The following SP3 variants were observed in gnomAD, a reference collection of about 807,000 sequenced individuals.
SP3 encodes the protein Sp3 transcription factor, also known as transcription factor Sp3.
SP3 carries 10 observed loss-of-function variants against 70.3 expected under a neutral mutation model. The ratio of observed to expected loss-of-function variants is 0.14; its 90% CI spans 0.09 to 0.24. SP3 has a LOEUF of 0.24. SP3 is among the 10% of genes least tolerant of loss of function. The pLI, the probability that SP3 is intolerant of heterozygous loss-of-function variation, is 1.00. For missense variants in SP3, 825 were observed against 914.6 expected, an observed-to-expected ratio of 0.90 and a Z score of 1.26; for synonymous variants, 402 against 333.5, an observed-to-expected ratio of 1.21 and a Z score of -2.24.
chr2:173,949,636 C>T (rs79798468), intron 4 of SP3, among the ~76,000 whole-genome samples: 17,497 of 152,124 alleles, frequency 0.12, 1,293 homozygotes, highest in Middle Eastern at 0.18. Flanking sequence ...CCCTCTTTCG[C>T]CTGTCAATCT....
chr2:173,959,029 C>T (rs1690979574), intron 3 of SP3, among the ~76,000 whole-genome samples: 1 of 152,142 alleles, frequency 6.6e-6, no homozygotes. Flanking sequence ...CAATTCCTGG[C>T]ACTCAGTAAG....
intron 4 of SP3, among the ~76,000 whole-genome samples, chr2:173,927,731 T>A (rs1320379080): frequency 1.3e-5 from 2 of 152,244 alleles, no homozygotes; most frequent in Admixed American, 1.3e-4. Context: ...CTATTTCAAC[T>A]TTCAATTATT....
At chr2:173,933,638 T>TTATATATA (rs60102426) in intron 4 of SP3, among the ~76,000 whole-genome samples, 6,540 of 86,158 alleles carry the variant, frequency 0.076, 358 homozygotes, top group Non-Finnish European at 0.099. Context: ...TTATAAAACT[T>TTATATATA]TATATATATA....
chr2:173,963,823 A>G lies in SP3; in HGVS notation c.217T>C (p.Ser73Pro). The change falls in exon 3 of 7, where the codon TCG (serine) becomes CCG (proline). Residue 73 changes from serine (S) to proline (P), a missense_variant. Ser to Pro is a moderately conservative substitution (Grantham distance 74). Coordinates refer to ENST00000310015, the MANE Select transcript of SP3 (RefSeq NM_003111.5). ...GCCTCCTCCTCGTCGTCGCCCGGCG[A>G]TGGCGGCCCTATCTTGCTGCAGGTA... ...AATCSKIGPPSPGDDEEEAAA... is the reference protein window; with the variant it reads ...AATCSKIGPPPPGDDEEEAAA... 6.8e-7 allele frequency: 1 copy of G among 1,475,968 alleles called. No individual in the cohort carries two copies. Among genetic ancestry groups the G allele is most frequent in the African/African-American group, 1.5e-5 (1 of 68,646 alleles). 91.4% of individuals were successfully genotyped at this position (1,475,968 alleles called of 1,614,324 possible). A position where few individuals can be genotyped will look rare whatever the true frequency, so the allele number is the denominator to read the frequency against.
chr2:173,945,424 A>G (rs982247793), intron 4 of SP3, among the ~76,000 whole-genome samples: 2 of 152,184 alleles, frequency 1.3e-5, no homozygotes, highest in African/African-American at 4.8e-5. Flanking sequence ...TCAACTCAAC[A>G]TGACTAAACC....
At chr2:173,953,177 GTGCA>G (rs1483502527) in intron 4 of SP3, among the ~76,000 whole-genome samples, 1 of 152,234 alleles carries the variant, frequency 6.6e-6, no homozygotes, top group East Asian at 1.9e-4. Flanking sequence ...TTAACTGCAA[GTGCA>G]TGGTCATGAA....
chr2:173,955,881 T>G lies in SP3; in HGVS notation c.631A>C (p.Asn211His), dbSNP rs761535090. ...SSQIQIIPGS[N>H]QTLLASGTPS... Reference sequence around the variant, plus strand: ...GTTCCAGAGGCAAGTAAGGTTTGATTAGAGCCAGGAATGATCTGAATTTGA... The same window carrying G: ...GTTCCAGAGGCAAGTAAGGTTTGATGAGAGCCAGGAATGATCTGAATTTGA... Residue 211 changes from asparagine to histidine, a missense_variant, in exon 4 of 7, where the codon AAT becomes CAT. By Grantham distance (68) the Asn-to-His change is moderately conservative (BLOSUM62 1). Transcript: ENST00000310015. 15 of 1,614,058 alleles carry G rather than the reference T, an allele frequency of 9.3e-6. No individual in the cohort carries two copies. The African/African-American group carries it at 1.7e-4, about 19-fold the overall frequency.
At chr2:173,936,742 C>A (rs1690219821) in intron 4 of SP3, among the ~76,000 whole-genome samples, 1 of 152,058 alleles carries the variant, frequency 6.6e-6, no homozygotes, top group African/African-American at 2.4e-5. Flanking sequence ...TTTAATAATA[C>A]CTATTAATAT....
At chr2:173,937,316 G>A (rs1157861076) in intron 4 of SP3, among the ~76,000 whole-genome samples, 1 of 152,156 alleles carries the variant, frequency 6.6e-6, no homozygotes, top group Non-Finnish European at 1.5e-5. Context: ...TAGTGTGACT[G>A]GTTATCCCCT....
At chr2:173,926,991 T>C in intron 4 of SP3, among the ~76,000 whole-genome samples, 1 of 152,124 alleles carries the variant, frequency 6.6e-6, no homozygotes, top group East Asian at 1.9e-4. Context: ...TCTGCTCTGC[T>C]TCTGGGGAGG....
At chr2:173,923,580 G>A (rs570443486) in intron 4 of SP3, among the ~76,000 whole-genome samples, 2 of 152,090 alleles carry the variant, frequency 1.3e-5, no homozygotes, top group Admixed American at 6.5e-5. Context: ...TCTGGAACAC[G>A]CATACTTAAT....
At chr2:173,963,647 C>T (rs771763329) in intron 3 of SP3, 114 bp downstream of exon 3, 3 of 212,038 alleles carry the variant, frequency 1.4e-5, no homozygotes, top group Non-Finnish European at 2.5e-5. Flanking sequence ...GCCCAGCGGC[C>T]CGTGCGGGTC....
chr2:173,928,221 C>T (rs1689973020), intron 4 of SP3, among the ~76,000 whole-genome samples: 1 of 152,202 alleles, frequency 6.6e-6, no homozygotes, highest in South Asian at 2.1e-4. Flanking sequence ...TCAAACCCTT[C>T]AAAATGAAGA....
At chr2:173,948,474 T>G (rs1373723959) in intron 4 of SP3, among the ~76,000 whole-genome samples, 1 of 152,170 alleles carries the variant, frequency 6.6e-6, no homozygotes, top group Non-Finnish European at 1.5e-5. Context: ...GGTTTGGTAC[T>G]CCCTGAGGTT....
intron 5 of SP3, among the ~76,000 whole-genome samples, chr2:173,917,947 A>T (rs931869988): frequency 1.3e-5 from 2 of 150,734 alleles, no homozygotes; most frequent in Non-Finnish European, 3.0e-5. Flanking sequence ...TCCTGTGCCA[A>T]TTATTTCAGG....
At chr2:173,964,351 G>T (rs1691205183) in intron 2 of SP3, 54 bp downstream of exon 2, 1 of 652,068 alleles carries the variant, frequency 1.5e-6, no homozygotes, top group African/African-American at 1.9e-5. Flanking sequence ...AGAGGCGAGG[G>T]GAGGAGAAAG....
chr2:173,928,314 T>C (rs967827155), intron 4 of SP3, among the ~76,000 whole-genome samples: 23 of 152,160 alleles, frequency 1.5e-4, no homozygotes, highest in African/African-American at 5.3e-4. Context: ...CAGGCCCTCA[T>C]GTAAGTCAGA....
At chr2:173,943,340 ACT>A (rs1314676153) in intron 4 of SP3, among the ~76,000 whole-genome samples, 1 of 151,958 alleles carries the variant, frequency 6.6e-6, no homozygotes, top group East Asian at 1.9e-4. Context: ...TTCCTGGAAT[ACT>A]CTTTCCTCCA....
intron 4 of SP3, among the ~76,000 whole-genome samples, chr2:173,929,597 A>C (rs1001407079): frequency 3.3e-5 from 5 of 152,240 alleles, no homozygotes; most frequent in African/African-American, 9.6e-5. Context: ...AGCCAGGCTG[A>C]ACAGATTGTG....
Sources: allele counts gnomAD v4.1 joint callset (sites outside exome capture counted in the v4.1 genomes callset), GRCh38; gene constraint gnomAD v4.1.1; transcripts MANE v1.5; gene names NCBI Gene and HGNC (gene_info 2026-07-23, HGNC 2026-07-21).